The following ACOX2 variants were observed in gnomAD, a reference collection of about 807,000 sequenced individuals.
The protein encoded by ACOX2 is peroxisomal acyl-coenzyme A oxidase 2.
Under a neutral mutation model 77.5 loss-of-function variants are expected in ACOX2, and 59 were observed. The observed-to-expected ratio is 0.76, with a 90% confidence interval of 0.62 to 0.95. The LOEUF (loss-of-function observed/expected upper bound fraction) is 0.95, where lower values mean the gene tolerates loss of function less well. Ranked by LOEUF, ACOX2 falls within the 40% of genes least tolerant of loss-of-function variation. ACOX2 has a pLI of 0.00. For synonymous variants in ACOX2, 317 were observed against 340.1 expected (o/e 0.93, Z 0.75); for missense variants, 837 against 880.4 (o/e 0.95, Z 0.62).
In ACOX2 at chr3:58,524,105, G is replaced by T. The variant is rs1011984882; in HGVS notation, c.1526+321C>A. 1.3e-5 allele frequency among the ~76,000 whole-genome samples: 2 copies of T among 152,204 alleles called. No homozygotes were observed. Among genetic ancestry groups the T allele is most frequent in the Admixed American group, 1.3e-4 (2 of 15,282 alleles). ...TGGTATTTGCATATCAATACATTTG[G>T]AGTATTTACATATGGGTACATTCGT... On this transcript the variant is annotated intron_variant, in intron 11 of 14. Transcript: ENST00000302819. The surrounding 1 kb of genome is among the most constrained non-coding windows in gnomAD (Gnocchi z 5.5).
In ACOX2 at chr3:58,524,949, T is replaced by G. The variant is rs963221953; in HGVS notation, c.1347-344A>C. On this transcript the variant is annotated intron_variant, in intron 10 of 14. Coordinates refer to ENST00000302819, the MANE Select transcript of ACOX2 (RefSeq NM_003500.4). The surrounding 1 kb of genome is among the most constrained non-coding windows in gnomAD (Gnocchi z 5.5). ...TACAGTGACTGGGTGGAAATTAAAT[T>G]TTCTTAGCTGAAAAAAGAAGGATAG... is the stretch of plus-strand genomic sequence containing the variant. 1.3e-5 allele frequency among the ~76,000 whole-genome samples: 2 copies of G among 152,224 alleles called. No homozygotes were observed. Among genetic ancestry groups the G allele is most frequent in the South Asian group, 2.1e-4 (1 of 4,832 alleles).
Position 58,524,345 on chromosome 3 carries a change from C to G in ACOX2, c.1526+81G>C, listed in dbSNP as rs1312891628. 2.0e-6 allele frequency: 3 copies of G among 1,525,596 alleles called. No individual in the cohort carries two copies. The highest frequency in any genetic ancestry group is 1.8e-6 in the Non-Finnish European group (2 of 1,125,220). The allele number at this position is 1,525,596 out of a possible 1,614,324, so 94.5% of individuals were successfully genotyped here. A position where few individuals can be genotyped will look rare whatever the true frequency, so the allele number is the denominator to read the frequency against. On this transcript the variant is annotated intron_variant, in intron 11 of 14. Coordinates refer to ENST00000302819, the MANE Select transcript of ACOX2 (RefSeq NM_003500.4). The surrounding 1 kb of genome is among the most constrained non-coding windows in gnomAD (Gnocchi z 5.5). ...TTTTTAGAACTGAATCCACGAATGT[C>G]CACCCAACCAATCCAAAGGCCCTAG...
At chr3:58,527,446 G>A (rs2063404157) in intron 9 of ACOX2, among the ~76,000 whole-genome samples, 1 of 151,136 alleles carries the variant, frequency 6.6e-6, no homozygotes, top group South Asian at 2.1e-4. Context: ...TGAGGCAGGA[G>A]AATCTCTTGA....
Position 58,533,565 on chromosome 3 carries a change from G to T in ACOX2, c.476-13C>A. 1 of 1,613,336 alleles carries T rather than the reference G, an allele frequency of 6.2e-7. No homozygotes were observed. Among genetic ancestry groups the T allele is most frequent in the Non-Finnish European group, 8.5e-7 (1 of 1,179,416 alleles). On this transcript the variant is annotated splice_polypyrimidine_tract_variant and intron_variant, in intron 4 of 14. Coordinates refer to ENST00000302819, the MANE Select transcript of ACOX2 (RefSeq NM_003500.4). The surrounding 1 kb of genome is among the most constrained non-coding windows in gnomAD (Gnocchi z 5.6). ...TGAAGATATGTCCCTTAGGATCAAGGAGAGGTGTTAGACATTGGCCTGAGG... is the reference window on the plus strand; with the variant it reads ...TGAAGATATGTCCCTTAGGATCAAGTAGAGGTGTTAGACATTGGCCTGAGG...
chr3:58,533,521 G>A lies in ACOX2; in HGVS notation c.507C>T (p.Ala169=). 6.2e-7 allele frequency: 1 copy of A among 1,613,990 alleles called. No individual in the cohort carries two copies. Among genetic ancestry groups the A allele is most frequent in the Non-Finnish European group, 8.5e-7 (1 of 1,179,974 alleles). ...ACTCCTGGGTGGCTGCGTCATAGGT[G>A]GCTTCAGTCTCCAGGCCCTGAAGAT... ...GTYLQGLETE[A]TYDAATQEFV... Residue 169 remains alanine, a synonymous_variant, in exon 5 of 15, where the codon GCC becomes GCT. Coordinates refer to ENST00000302819, the MANE Select transcript of ACOX2 (RefSeq NM_003500.4). This position sits in a 1 kb window ranked among gnomAD's most constrained non-coding sequence, Gnocchi z 5.6.
In ACOX2 at chr3:58,523,078, A is replaced by G. The variant is rs2063371005; in HGVS notation, c.1527-477T>C. ...GCTGCAGGTTCTACCCAAGGGACCTAAAAACAAAAAGAGAAAACCAACCTT... is the reference window on the plus strand; with the variant it reads ...GCTGCAGGTTCTACCCAAGGGACCTGAAAACAAAAAGAGAAAACCAACCTT... On this transcript the variant is annotated intron_variant, in intron 11 of 14. Coordinates refer to ENST00000302819, the MANE Select transcript of ACOX2 (RefSeq NM_003500.4). This position sits in a 1 kb window ranked among gnomAD's most constrained non-coding sequence, Gnocchi z 5.3. The G allele has an allele frequency of 6.4e-6, 1 of 155,348 alleles. No homozygotes were observed. The highest frequency in any genetic ancestry group is 1.4e-5 in the Non-Finnish European group (1 of 69,744). 9.6% of individuals were successfully genotyped at this position (155,348 alleles called of 1,614,324 possible). A position where few individuals can be genotyped will look rare whatever the true frequency, so the allele number is the denominator to read the frequency against.
chr3:58,514,202 A>T lies in ACOX2; in HGVS notation c.1850+3004T>A, dbSNP rs552758806. On this transcript the variant is annotated intron_variant, in intron 13 of 14. Coordinates refer to ENST00000302819, the MANE Select transcript of ACOX2 (RefSeq NM_003500.4). This position sits in a 1 kb window ranked among gnomAD's most constrained non-coding sequence, Gnocchi z 4.3. The stretch of plus-strand genomic sequence containing the variant: ...ATGCATGTAATCCCAGCACTTTGGG[A>T]GGCTAAGGTAGGAGGATCCCTTGAG... Among the ~76,000 whole-genome samples the T allele has an allele frequency of 6.6e-6, 1 of 152,280 alleles. No homozygotes were observed. Among genetic ancestry groups the T allele is most frequent in the Admixed American group, 6.5e-5 (1 of 15,288 alleles).
In ACOX2 at chr3:58,521,116, G is replaced by T. The variant is rs1475037120; in HGVS notation, c.1632+1380C>A. ...TTTGGTGATCCAGTGAAAGCAGGAA[G>T]CCTTGGCTCACCCTCTGTGTTGACA... is the stretch of plus-strand genomic sequence containing the variant. On this transcript the variant is annotated intron_variant, in intron 12 of 14. Transcript: ENST00000302819. The surrounding 1 kb of genome is among the most constrained non-coding windows in gnomAD (Gnocchi z 4.8). Among the ~76,000 whole-genome samples, 2 of 152,230 alleles carry T rather than the reference G, an allele frequency of 1.3e-5. No individual in the cohort carries two copies. Among genetic ancestry groups the T allele is most frequent in the Non-Finnish European group, 2.9e-5 (2 of 68,038 alleles).
chr3:58,531,643 CCT>C lies in ACOX2; in HGVS notation c.703+48_703+49del. 3 of 1,598,770 alleles carry C rather than the reference CCT, an allele frequency of 1.9e-6. No homozygotes were observed. Among genetic ancestry groups the C allele is most frequent in the South Asian group, 1.1e-5 (1 of 88,546 alleles). ...CTGGGGCCCCAGGTCAGGGAGGCCA[CCT>C]GGGCTCTCCTCCTGGCAGGGTTCCT... On this transcript the variant is annotated intron_variant, in intron 6 of 14. Coordinates refer to ENST00000302819, the MANE Select transcript of ACOX2 (RefSeq NM_003500.4). The surrounding 1 kb of genome is among the most constrained non-coding windows in gnomAD (Gnocchi z 5.8).
chr3:58,526,112 C>T lies in ACOX2; in HGVS notation c.1346+354G>A, dbSNP rs188417488. Among the ~76,000 whole-genome samples the T allele has an allele frequency of 6.6e-6, 1 of 152,138 alleles. No individual in the cohort carries two copies. The highest frequency in any genetic ancestry group is 2.4e-5 in the African/African-American group (1 of 41,516). ...GTCAGGTCACATGGACCTTGCAGGC[C>T]ACAGCATAGAATATGTCATTTTCCT... On this transcript the variant is annotated intron_variant, in intron 10 of 14. Transcript: ENST00000302819. This position sits in a 1 kb window ranked among gnomAD's most constrained non-coding sequence, Gnocchi z 4.3.
rs755547478 is a variant in ACOX2 at position 58,528,851 on chromosome 3, C to T, written c.1098G>A (p.Glu366=). The T allele has an allele frequency of 2.5e-6, 4 of 1,613,690 alleles. No homozygotes were observed. Among genetic ancestry groups the T allele is most frequent in the Non-Finnish European group, 1.7e-6 (2 of 1,179,852 alleles). Residue 366 remains glutamate (E), a synonymous_variant, in exon 9 of 15, where the codon GAG becomes GAA. Coordinates refer to ENST00000302819, the MANE Select transcript of ACOX2 (RefSeq NM_003500.4). This position sits in a 1 kb window ranked among gnomAD's most constrained non-coding sequence, Gnocchi z 5.6. ...TGGCAGTGTAGGAGTGCTGGAAGAA[C>T]TCCAAGAGGCTGACTGCCAGGAAAT... ...AFHFLAVSLL[E]FFQHSYTAIL...
chr3:58,512,023 C>T lies in ACOX2; in HGVS notation c.1851-2998G>A, dbSNP rs2063291575. On this transcript the variant is annotated intron_variant, in intron 13 of 14. Coordinates refer to ENST00000302819, the MANE Select transcript of ACOX2 (RefSeq NM_003500.4). The surrounding 1 kb of genome is among the most constrained non-coding windows in gnomAD (Gnocchi z 4.8). The stretch of plus-strand genomic sequence containing the variant: ...TTCTTCTCAAGGCTTTAAATATCAA[C>T]CATACGCCAATGACTTCCAAACTTA... Among the ~76,000 whole-genome samples the T allele has an allele frequency of 6.6e-6, 1 of 152,310 alleles. No homozygotes were observed. The highest frequency in any genetic ancestry group is 6.5e-5 in the Admixed American group (1 of 15,298).
intron 7 of ACOX2, 99 bp from the exon 8 acceptor site, chr3:58,530,737 G>T (rs9844590): frequency 1.5e-6 from 2 of 1,372,900 alleles, no homozygotes; most frequent in Non-Finnish European, 2.0e-6. Context: ...AGGGCACCTC[G>T]CCCCTCAACC....
At chr3:58,511,168 C>A in intron 13 of ACOX2, 1 of 383,224 alleles carries the variant, frequency 2.6e-6, no homozygotes, top group Non-Finnish European at 5.2e-6. Flanking sequence ...TCCTTGTCTA[C>A]TAGATGTCTT....
chr3:58,526,716 C>G lies in ACOX2; in HGVS notation c.1156-60G>C. The G allele has an allele frequency of 7.1e-6, 11 of 1,549,758 alleles. No individual in the cohort carries two copies. The highest frequency in any genetic ancestry group is 1.2e-5 in the South Asian group (1 of 83,806). ...GGGGGCCTCCACCATAGGGACCAACCCTGTGCACCACTTACTGAGCATCTA... is the reference window on the plus strand; with the variant it reads ...GGGGGCCTCCACCATAGGGACCAACGCTGTGCACCACTTACTGAGCATCTA... On this transcript the variant is annotated intron_variant, in intron 9 of 14. Coordinates refer to ENST00000302819, the MANE Select transcript of ACOX2 (RefSeq NM_003500.4). The surrounding 1 kb of genome is among the most constrained non-coding windows in gnomAD (Gnocchi z 4.3).
At position 58,528,825 on chromosome 3, in the gene ACOX2, A is replaced by T; in HGVS notation, c.1124T>A (p.Ile375Asn). The T allele has an allele frequency of 3.1e-6, 5 of 1,612,406 alleles. No individual in the cohort carries two copies. Among genetic ancestry groups the T allele is most frequent in the Non-Finnish European group, 4.2e-6 (5 of 1,179,228 alleles). The change falls in exon 9 of 15, where the codon ATT becomes AAT. Residue 375 changes from isoleucine (I) to asparagine (N), a missense_variant. Ile to Asn is a moderately radical substitution (Grantham distance 149, BLOSUM62 -3). Transcript: ENST00000302819. This position sits in a 1 kb window ranked among gnomAD's most constrained non-coding sequence, Gnocchi z 5.6. ...CAGGAAGCTGAAGTCTTGGTTCAGA[A>T]TGGCAGTGTAGGAGTGCTGGAAGAA... Reference protein sequence around the residue: ...LEFFQHSYTAILNQDFSFLPE... With the variant: ...LEFFQHSYTANLNQDFSFLPE...
chr3:58,531,766 G>C lies in ACOX2; in HGVS notation c.630C>G (p.Cys210Trp). 1 of 1,614,202 alleles carries C rather than the reference G, an allele frequency of 6.2e-7. No individual in the cohort carries two copies. The highest frequency in any genetic ancestry group is 8.5e-7 in the Non-Finnish European group (1 of 1,180,024). Residue 210 changes from cysteine to tryptophan, a missense_variant, in exon 6 of 15, where the codon TGC becomes TGG. Physicochemically the swap from Cys to Trp is radical, Grantham distance 215 (BLOSUM62 -2). Transcript: ENST00000302819. The surrounding 1 kb of genome is among the most constrained non-coding windows in gnomAD (Gnocchi z 5.8). ...CGTGCATGCCCCGCCTGGCTCCTGAGCAGATCAGCTGGGCCTGGACCAGGG... is the reference window on the plus strand; with the variant it reads ...CGTGCATGCCCCGCCTGGCTCCTGACCAGATCAGCTGGGCCTGGACCAGGG... ...THALVQAQLI[C>W]SGARRGMHAF...
At chr3:58,518,075 C>CAAAAAAAAAA (rs763535906) in intron 12 of ACOX2, among the ~76,000 whole-genome samples, 377 of 47,406 alleles carry the variant, frequency 8.0e-3, no homozygotes, top group Middle Eastern at 0.05. Flanking sequence ...AACTCCATCT[C>CAAAAAAAAAA]AAAAAAAAAA....
chr3:58,528,923 T>C lies in ACOX2; in HGVS notation c.1026A>G (p.Thr342=). Residue 342 remains threonine (T), a synonymous_variant, in exon 9 of 15, where the codon ACA becomes ACG. Transcript: ENST00000302819. This position sits in a 1 kb window ranked among gnomAD's most constrained non-coding sequence, Gnocchi z 5.6. ...GCTGAGGAAAGAGTTTCTGCTGTTGTGTCTGGTAGTCCAGGACCTTTGCCT... is the reference window on the plus strand; with the variant it reads ...GCTGAGGAAAGAGTTTCTGCTGTTGCGTCTGGTAGTCCAGGACCTTTGCCT... The part of the protein sequence containing the change: ...DPEAKVLDYQ[T]QQQKLFPQLA... The C allele has an allele frequency of 6.2e-7, 1 of 1,613,560 alleles. No individual in the cohort carries two copies. Among genetic ancestry groups the C allele is most frequent in the Non-Finnish European group, 8.5e-7 (1 of 1,179,732 alleles).
Sources: gnomAD v4.1 joint callset for allele counts (sites outside exome capture counted in the v4.1 genomes callset) on GRCh38, gnomAD v4.1.1 for gene constraint, Gnocchi (gnomAD v3.1) non-coding constraint, MANE v1.5 for transcripts, NCBI Gene and HGNC (gene_info 2026-07-23, HGNC 2026-07-21) for gene names.